RAD51B: variants seen among roughly 807,000 people sequenced by gnomAD.
The protein encoded by RAD51B is DNA repair protein RAD51 homolog 2.
RAD51B carries 38 observed loss-of-function variants against 42.2 expected under a neutral mutation model. That is an observed-to-expected ratio of 0.90 (90% CI 0.70 to 1.18). The LOEUF (loss-of-function observed/expected upper bound fraction) is 1.18, where lower values mean the gene tolerates loss of function less well. Ranked by LOEUF, RAD51B falls within the 50% of genes most tolerant of loss-of-function variation. The pLI is 0.00. For synonymous variants in RAD51B, 154 were observed against 145.2 expected, an observed-to-expected ratio of 1.06 and a Z score of -0.43; for missense variants, 373 against 400.7, an observed-to-expected ratio of 0.93 and a Z score of 0.59.
At chr14:68,385,605 A>G (rs1394915971) in intron 8 of RAD51B, among the ~76,000 whole-genome samples, 1 of 152,192 alleles carries the variant, frequency 6.6e-6, no homozygotes, top group Admixed American at 6.5e-5. Flanking sequence ...GCATCCAGTG[A>G]TGACCCTTAC....
chr14:68,167,783 A>G (rs1310696543), intron 7 of RAD51B, among the ~76,000 whole-genome samples: 1 of 152,168 alleles, frequency 6.6e-6, no homozygotes, highest in Non-Finnish European at 1.5e-5. Context: ...GTCATTTATT[A>G]GAGTTCTGAT....
chr14:68,427,976 G>A (rs930348131), intron 9 of RAD51B, among the ~76,000 whole-genome samples: 1 of 152,222 alleles, frequency 6.6e-6, no homozygotes, highest in Non-Finnish European at 1.5e-5. Context: ...TGCTGTTATT[G>A]TGAAAGTGAG....
intron 9 of RAD51B, among the ~76,000 whole-genome samples, chr14:68,413,360 C>T (rs1201297467): frequency 6.6e-6 from 1 of 152,014 alleles, no homozygotes; most frequent in African/African-American, 2.4e-5. Context: ...GACAGTTCAT[C>T]AACTCCCATC....
chr14:67,891,601 A>AT (rs931765368), intron 7 of RAD51B, among the ~76,000 whole-genome samples: 6 of 151,428 alleles, frequency 4.0e-5, no homozygotes, highest in Non-Finnish European at 5.9e-5. Context: ...ACAAGCACAA[A>AT]TTTTTTTTTC....
intron 11 of RAD51B, among the ~76,000 whole-genome samples, chr14:68,675,462 G>T (rs1261136329): frequency 6.6e-6 from 1 of 152,010 alleles, no homozygotes; most frequent in Non-Finnish European, 1.5e-5. Context: ...TTCCTTTTTG[G>T]CCCCCAACAC....
At chr14:68,648,714 C>CACACACAG (rs1360424578) in intron 10 of RAD51B, among the ~76,000 whole-genome samples, 2 of 139,726 alleles carry the variant, frequency 1.4e-5, no homozygotes, top group African/African-American at 5.3e-5. Context: ...CACACACACA[C>CACACACAG]AGGGAAAAAC....
intron 8 of RAD51B, among the ~76,000 whole-genome samples, chr14:68,359,817 T>C (rs1405204304): frequency 6.6e-6 from 1 of 152,238 alleles, no homozygotes; most frequent in Non-Finnish European, 1.5e-5. Context: ...CTGTCTGTCC[T>C]TTTTGTTTGA....
chr14:68,414,332 CT>C (rs759143998), intron 9 of RAD51B, among the ~76,000 whole-genome samples: 10 of 152,166 alleles, frequency 6.6e-5, no homozygotes, highest in Non-Finnish European at 1.5e-4. Flanking sequence ...ACTAATTTAG[CT>C]TTTTTTCCAT....
At chr14:68,057,197 T>G (rs2076491259) in intron 7 of RAD51B, among the ~76,000 whole-genome samples, 1 of 152,022 alleles carries the variant, frequency 6.6e-6, no homozygotes, top group Non-Finnish European at 1.5e-5. Flanking sequence ...CAGCTTCCTA[T>G]TTTATGGCAA....
intron 11 of RAD51B, among the ~76,000 whole-genome samples, chr14:68,659,407 A>G (rs1463323102): frequency 6.6e-6 from 1 of 152,226 alleles, no homozygotes; most frequent in Non-Finnish European, 1.5e-5. Flanking sequence ...CTTTCATCTC[A>G]GTCATTTACT....
intron 7 of RAD51B, among the ~76,000 whole-genome samples, chr14:68,084,646 G>T (rs141912615): frequency 6.6e-6 from 1 of 152,280 alleles, no homozygotes; most frequent in Non-Finnish European, 1.5e-5. Flanking sequence ...TAAATGTTGG[G>T]GTAATATTTT....
At chr14:68,468,375 G>A in intron 10 of RAD51B, 125 bp downstream of exon 10, 1 of 1,015,030 alleles carries the variant, frequency 9.9e-7, no homozygotes, top group Admixed American at 1.7e-5. Context: ...AAGATGCATT[G>A]GCCAGTGATA....
At chr14:68,559,167 A>G (rs901014693) in intron 10 of RAD51B, among the ~76,000 whole-genome samples, 1 of 151,930 alleles carries the variant, frequency 6.6e-6, no homozygotes, top group African/African-American at 2.4e-5. Context: ...ATATGTGTCT[A>G]TAGAGACAAA....
chr14:68,561,966 C>T, intron 10 of RAD51B: 7 of 985,410 alleles, frequency 7.1e-6, no homozygotes, highest in Non-Finnish European at 8.4e-6. Context: ...CTTGTGGCAG[C>T]AATGTACACG....
At chr14:68,385,978 G>T (rs1220333138) in intron 8 of RAD51B, among the ~76,000 whole-genome samples, 2 of 152,152 alleles carry the variant, frequency 1.3e-5, no homozygotes, top group Non-Finnish European at 2.9e-5. Context: ...CCAGAGATTG[G>T]CTCCCGAGTC....
chr14:67,975,866 G>A (rs1298167734), intron 7 of RAD51B, among the ~76,000 whole-genome samples: 1 of 152,162 alleles, frequency 6.6e-6, no homozygotes, highest in Non-Finnish European at 1.5e-5. Context: ...GGCAGCTTTA[G>A]GGTAAACTTG....
intron 8 of RAD51B, among the ~76,000 whole-genome samples, chr14:68,408,183 A>G (rs1267552232): frequency 6.6e-6 from 1 of 152,160 alleles, no homozygotes; most frequent in Non-Finnish European, 1.5e-5. Flanking sequence ...AGGTAGGAGA[A>G]ATGAATGGAT....
intron 7 of RAD51B, among the ~76,000 whole-genome samples, chr14:68,165,296 G>T (rs1168210807): frequency 6.6e-6 from 1 of 152,026 alleles, no homozygotes; most frequent in Non-Finnish European, 1.5e-5. Flanking sequence ...TGGGAACTTT[G>T]TACTAGTTAA....
intron 7 of RAD51B, among the ~76,000 whole-genome samples, chr14:68,007,436 C>G (rs1003464088): frequency 6.6e-6 from 1 of 151,856 alleles, no homozygotes; most frequent in African/African-American, 2.4e-5. Flanking sequence ...GAGGAACTGC[C>G]GAACTGTTTT....
Sources: gnomAD v4.1 joint callset for allele counts (sites outside exome capture counted in the v4.1 genomes callset) on GRCh38, gnomAD v4.1.1 for gene constraint, MANE v1.5 for transcripts, NCBI Gene and HGNC (gene_info 2026-07-23, HGNC 2026-07-21) for gene names.